LRGUK: variants seen among roughly 807,000 people sequenced by gnomAD.
LRGUK encodes the protein leucine rich repeats and guanylate kinase domain containing, also known as leucine-rich repeat and guanylate kinase domain-containing protein.
Under a neutral mutation model 76.0 loss-of-function variants are expected in LRGUK, and 65 were observed. That is an observed-to-expected ratio of 0.85 (90% CI 0.70 to 1.05). LRGUK has a LOEUF of 1.05. Ranked by LOEUF, LRGUK falls within the 50% of genes least tolerant of loss-of-function variation. The pLI is 0.00. For synonymous variants in LRGUK, 268 were observed against 265.6 expected (o/e 1.01, Z -0.09); for missense variants, 758 against 732.8 (o/e 1.03, Z -0.40).
At chr7:134,177,031 T>G (rs748339628) in exon 9 of LRGUK, 1 of 1,601,956 alleles carries the variant, frequency 6.2e-7, no homozygotes, top group Non-Finnish European at 8.5e-7. Flanking sequence ...ATTAACAGAA[T>G]TAGATCAGAA....
At chr7:134,187,908 A>G (rs888956637) in intron 11 of LRGUK, among the ~76,000 whole-genome samples, 2 of 152,212 alleles carry the variant, frequency 1.3e-5, no homozygotes, top group Non-Finnish European at 2.9e-5. Context: ...TGACTACTAA[A>G]CATATTTCAT....
At chr7:134,198,734 A>T (rs1450919688) in intron 13 of LRGUK, among the ~76,000 whole-genome samples, 2 of 152,152 alleles carry the variant, frequency 1.3e-5, no homozygotes, top group Non-Finnish European at 2.9e-5. Context: ...GCAGGTGACG[A>T]GGAGCTTGGC....
At chr7:134,272,969 C>T in the LRGUK span, among the ~76,000 whole-genome samples, 1 of 152,154 alleles carries the variant, frequency 6.6e-6, no homozygotes, top group Non-Finnish European at 1.5e-5. Context: ...TGTGGGGTTT[C>T]AAGGCATCAG....
exon 1 of LRGUK, chr7:134,127,553 C>T: frequency 1.2e-6 from 2 of 1,614,212 alleles, no homozygotes; most frequent in Non-Finnish European, 8.5e-7. Context: ...CCTACCTGCT[C>T]CAGCAGCTCA....
At chr7:134,275,313 A>G in the LRGUK span, among the ~76,000 whole-genome samples, 1 of 152,042 alleles carries the variant, frequency 6.6e-6, no homozygotes, top group African/African-American at 2.4e-5. Flanking sequence ...GTTTACTACC[A>G]ATTGTTTTAT....
intron 18 of LRGUK, 102 bp downstream of exon 18, chr7:134,249,178 A>G: frequency 7.7e-7 from 1 of 1,294,206 alleles, no homozygotes; most frequent in Non-Finnish European, 1.0e-6. Flanking sequence ...AAAACTGGGA[A>G]GCAGGGCCCT....
chr7:134,157,627 G>A (rs551061434), intron 5 of LRGUK, among the ~76,000 whole-genome samples: 2 of 152,262 alleles, frequency 1.3e-5, no homozygotes, highest in African/African-American at 2.4e-5. Context: ...GGTTCACGCC[G>A]TTATCCTGCC....
intron 5 of LRGUK, among the ~76,000 whole-genome samples, chr7:134,154,215 A>G (rs556667311): frequency 6.6e-6 from 1 of 152,354 alleles, no homozygotes; most frequent in South Asian, 2.1e-4. Flanking sequence ...TTTTAAAATT[A>G]AAATATACGT....
At chr7:134,246,220 TC>T (rs1341264552) in intron 16 of LRGUK, among the ~76,000 whole-genome samples, 1 of 152,030 alleles carries the variant, frequency 6.6e-6, no homozygotes, top group African/African-American at 2.4e-5. Context: ...CTTTATATTA[TC>T]CCCCCCAAAT....
At chr7:134,252,014 G>T (rs1374117767) in intron 18 of LRGUK, among the ~76,000 whole-genome samples, 4 of 152,180 alleles carry the variant, frequency 2.6e-5, no homozygotes, top group East Asian at 1.9e-4. Context: ...GGGAAACAAG[G>T]TCTCCTAGGA....
At chr7:134,156,418 A>C (rs1585454333) in intron 5 of LRGUK, among the ~76,000 whole-genome samples, 1 of 152,200 alleles carries the variant, frequency 6.6e-6, no homozygotes, top group Non-Finnish European at 1.5e-5. Flanking sequence ...TAGTAAGAAA[A>C]TAAGTGTTAT....
At chr7:134,178,933 A>AAAAAAAAAAAAAAAACC (rs1554464216) in intron 10 of LRGUK, among the ~76,000 whole-genome samples, 1,652 of 13,518 alleles carry the variant, frequency 0.12, 93 homozygotes, top group East Asian at 0.38. Context: ...TCTCAAAAAA[A>AAAAAAAAAAAAAAAACC]AAAAAAAAAA....
At chr7:134,162,826 C>CAAAAAA (rs11445116) in intron 6 of LRGUK, among the ~76,000 whole-genome samples, 6 of 61,174 alleles carry the variant, frequency 9.8e-5, no homozygotes, top group South Asian at 7.7e-4. Context: ...GACTCCTTCT[C>CAAAAAA]AAAAAAAAAA....
chr7:134,133,001 C>T (rs763640766), intron 1 of LRGUK, among the ~76,000 whole-genome samples: 14 of 152,134 alleles, frequency 9.2e-5, no homozygotes, highest in Non-Finnish European at 1.9e-4. Context: ...TGATGAAGAA[C>T]GGGAGACCGT....
At chr7:134,167,564 C>T (rs1799048186) in intron 7 of LRGUK, among the ~76,000 whole-genome samples, 1 of 152,150 alleles carries the variant, frequency 6.6e-6, no homozygotes, top group African/African-American at 2.4e-5. Flanking sequence ...GCCAGCTACG[C>T]AGGACTGGCT....
chr7:134,139,667 A>G, intron 3 of LRGUK, 150 bp downstream of exon 3: 1 of 548,944 alleles, frequency 1.8e-6, no homozygotes, highest in Non-Finnish European at 3.1e-6. Flanking sequence ...TAAAAAAGGC[A>G]CCGATAACTG....
the LRGUK span, among the ~76,000 whole-genome samples, chr7:134,273,775 T>G: frequency 6.6e-6 from 1 of 152,198 alleles, no homozygotes; most frequent in East Asian, 1.9e-4. Flanking sequence ...TATTTTTTAT[T>G]AGTATTTCCT....
intron 12 of LRGUK, among the ~76,000 whole-genome samples, chr7:134,193,144 A>G (rs1800330202): frequency 6.6e-6 from 1 of 152,084 alleles, no homozygotes; most frequent in Admixed American, 6.5e-5. Flanking sequence ...TCCCTAGGCA[A>G]TTTTTCCTCT....
Position 134,231,165 on chromosome 7 carries a change from A to G in LRGUK, c.1983+9247A>G, listed in dbSNP as rs532140319. On this transcript the variant is annotated intron_variant, in intron 16 of 19. Transcript: ENST00000285928. ...TTGATGATCCATCTGAAGGATTTGAAGAGAGTGAGGATCATGGCAGTAGCC... is the reference window on the plus strand; with the variant it reads ...TTGATGATCCATCTGAAGGATTTGAGGAGAGTGAGGATCATGGCAGTAGCC... Among the ~76,000 whole-genome samples, 10 of 152,330 alleles carry G rather than the reference A, an allele frequency of 6.6e-5. No individual in the cohort carries two copies. In the East Asian group the frequency reaches 1.7e-3, roughly 26 times the overall value.
Sources: gnomAD v4.1 joint callset for allele counts (sites outside exome capture counted in the v4.1 genomes callset) on GRCh38, gnomAD v4.1.1 for gene constraint, MANE v1.5 for transcripts, NCBI Gene and HGNC (gene_info 2026-07-23, HGNC 2026-07-21) for gene names.